The following TBC1D19 variants were observed in gnomAD, a reference collection of about 807,000 sequenced individuals.
TBC1D19 encodes the protein TBC1 domain family member 19.
Under a neutral mutation model 89.0 loss-of-function variants are expected in TBC1D19, and 60 were observed. The observed-to-expected ratio is 0.67, with a 90% CI of 0.55 to 0.84. The LOEUF is 0.84. Ranked by LOEUF, TBC1D19 falls within the 40% of genes least tolerant of loss-of-function variation. TBC1D19 has a pLI of 0.00. For synonymous variants in TBC1D19, 189 were observed against 199.7 expected, an observed-to-expected ratio of 0.95 and a Z score of 0.45; for missense variants, 500 against 610.8, an observed-to-expected ratio of 0.82 and a Z score of 1.91.
At chr4:26,850,167 G>A in the TBC1D19 span, among the ~76,000 whole-genome samples, 5 of 152,076 alleles carry the variant, frequency 3.3e-5, no homozygotes, top group Non-Finnish European at 4.4e-5. Context: ...TTTGGAGATA[G>A]TTTATTTACA....
intron 17 of TBC1D19, chr4:26,740,823 T>C: frequency 1.0e-6 from 1 of 985,422 alleles, no homozygotes; most frequent in South Asian, 4.7e-5. Flanking sequence ...ATAGCTGTTC[T>C]TTATCCCCCC....
At chr4:26,763,549 C>T in the TBC1D19 span, among the ~76,000 whole-genome samples, 3 of 152,300 alleles carry the variant, frequency 2.0e-5, no homozygotes, top group Admixed American at 1.3e-4. Flanking sequence ...TGGACCAAAC[C>T]AATGTCTTTC....
At chr4:26,759,848 A>G (rs2109344751), downstream of TBC1D19, among the ~76,000 whole-genome samples, 1 of 152,166 alleles carries the variant, frequency 6.6e-6, no homozygotes. Flanking sequence ...CAATTTTTTT[A>G]TTTACCATTG....
At chr4:26,759,685 C>A (rs1270496281), downstream of TBC1D19, among the ~76,000 whole-genome samples, 3 of 152,106 alleles carry the variant, frequency 2.0e-5, no homozygotes, top group Non-Finnish European at 4.4e-5. Flanking sequence ...TTAGATTCAT[C>A]TTTTCTAGAG....
chr4:26,834,549 G>A, the TBC1D19 span, among the ~76,000 whole-genome samples: 4 of 152,076 alleles, frequency 2.6e-5, no homozygotes, highest in Non-Finnish European at 4.4e-5. Flanking sequence ...GGCTATGGGG[G>A]GCGGGGGTGG....
At chr4:26,694,655 A>C (rs1219150316) in intron 13 of TBC1D19, among the ~76,000 whole-genome samples, 2 of 152,218 alleles carry the variant, frequency 1.3e-5, no homozygotes, top group Non-Finnish European at 2.9e-5. Flanking sequence ...GTAGGGGCAG[A>C]CTGACACTTC....
the TBC1D19 span, among the ~76,000 whole-genome samples, chr4:26,806,445 A>G: frequency 6.6e-5 from 10 of 152,224 alleles, no homozygotes; most frequent in African/African-American, 1.9e-4. Flanking sequence ...TAAAAGTTCA[A>G]TCAATGTCAG....
chr4:26,720,984 C>T (rs1007915303), intron 15 of TBC1D19, among the ~76,000 whole-genome samples: 1 of 152,058 alleles, frequency 6.6e-6, no homozygotes, highest in Non-Finnish European at 1.5e-5. Context: ...AAAACTCATA[C>T]GTGGCTTTGG....
At position 26,602,589 on chromosome 4, in the gene TBC1D19, C is replaced by T. The variant is rs569237995; in HGVS notation, c.100-10580C>T. On this transcript the variant is annotated intron_variant, in intron 1 of 20. Transcript: ENST00000264866. ...CTGAGTAGCTGGGACTACAAGCGCC[C>T]GCCACCATGCCCAACTAATTTTTTG... Among the ~76,000 whole-genome samples the T allele has an allele frequency of 1.3e-4, 19 of 151,886 alleles. No homozygotes were observed. The East Asian group carries it at 2.7e-3, about 22-fold the overall frequency.
At chr4:26,787,400 C>T in the TBC1D19 span, among the ~76,000 whole-genome samples, 1 of 152,130 alleles carries the variant, frequency 6.6e-6, no homozygotes, top group African/African-American at 2.4e-5. Context: ...CAGCGCCTGT[C>T]TAAAACTAGG....
At chr4:26,600,829 C>T (rs1168730290) in intron 1 of TBC1D19, among the ~76,000 whole-genome samples, 5 of 152,300 alleles carry the variant, frequency 3.3e-5, no homozygotes, top group African/African-American at 9.6e-5. Flanking sequence ...GAAACTAGAG[C>T]TTATTCCTGG....
At chr4:26,764,232 A>G in the TBC1D19 span, among the ~76,000 whole-genome samples, 1 of 152,194 alleles carries the variant, frequency 6.6e-6, no homozygotes, top group African/African-American at 2.4e-5. Context: ...AGAATGAATT[A>G]TATTATTGAT....
intron 11 of TBC1D19, among the ~76,000 whole-genome samples, chr4:26,674,754 C>T (rs1359584378): frequency 6.6e-6 from 1 of 151,826 alleles, no homozygotes; most frequent in African/African-American, 2.4e-5. Flanking sequence ...GTACTTTTAA[C>T]ATAGTGCCTG....
At chr4:26,853,021 C>G in the TBC1D19 span, among the ~76,000 whole-genome samples, 1 of 152,252 alleles carries the variant, frequency 6.6e-6, no homozygotes, top group East Asian at 1.9e-4. Flanking sequence ...CGTCCCCGCT[C>G]CTACCATGAA....
intron 8 of TBC1D19, among the ~76,000 whole-genome samples, chr4:26,663,824 G>A (rs1462694625): frequency 6.6e-6 from 1 of 152,134 alleles, no homozygotes. Context: ...ACTTGGTGAG[G>A]CTCAGTGAGT....
intron 4 of TBC1D19, among the ~76,000 whole-genome samples, chr4:26,625,196 C>T (rs1241804368): frequency 6.6e-6 from 1 of 152,006 alleles, no homozygotes; most frequent in Non-Finnish European, 1.5e-5. Flanking sequence ...TTTCTGGGCT[C>T]ATGAGGTTAT....
chr4:26,653,992 G>A (rs1012869220), intron 7 of TBC1D19, among the ~76,000 whole-genome samples: 4 of 152,166 alleles, frequency 2.6e-5, no homozygotes, highest in Non-Finnish European at 4.4e-5. Flanking sequence ...AATTTGCCAC[G>A]TTTTTGCAGT....
At chr4:26,615,455 CTT>C (rs35104373) in intron 3 of TBC1D19, among the ~76,000 whole-genome samples, 2 of 145,634 alleles carry the variant, frequency 1.4e-5, no homozygotes, top group Admixed American at 6.8e-5. Context: ...TGCACGTCTG[CTT>C]TTTTTTTTTT....
the TBC1D19 span, among the ~76,000 whole-genome samples, chr4:26,839,773 C>G: frequency 2.0e-5 from 3 of 152,174 alleles, no homozygotes; most frequent in Admixed American, 6.5e-5. Context: ...AGGTCTCCTC[C>G]TGGTTGACCT....
Sources: allele counts gnomAD v4.1 joint callset (sites outside exome capture counted in the v4.1 genomes callset), GRCh38; gene constraint gnomAD v4.1.1; transcripts MANE v1.5; gene names NCBI Gene and HGNC (gene_info 2026-07-23, HGNC 2026-07-21).